SNCAIP: variants seen among roughly 807,000 people sequenced by gnomAD.
SNCAIP encodes the protein synphilin-1.
A neutral mutation model predicts 86.7 loss-of-function variants in SNCAIP; 43 were observed. That is an observed-to-expected ratio of 0.50 (90% CI 0.39 to 0.64). SNCAIP has a LOEUF of 0.64. Among genes scored for constraint, SNCAIP ranks in the 30% least tolerant of loss-of-function variants. The pLI is 0.00. For missense variants in SNCAIP, 981 were observed against 1,103.1 expected, an observed-to-expected ratio of 0.89 and a Z score of 1.57; for synonymous variants, 417 against 427.2, an observed-to-expected ratio of 0.98 and a Z score of 0.29.
At position 122,402,029 on chromosome 5, in the gene SNCAIP, A is replaced by G. The variant is rs531976711; in HGVS notation, c.58-1764A>G. ...ACAAACCTTAGTGAATTTTTCATTAACTGTATTTAAACACAATTCATCTTA... is the reference window on the plus strand; with the variant it reads ...ACAAACCTTAGTGAATTTTTCATTAGCTGTATTTAAACACAATTCATCTTA... On this transcript the variant is annotated intron_variant, in intron 2 of 10. Coordinates refer to ENST00000261368, the MANE Select transcript of SNCAIP (RefSeq NM_005460.4). Among the ~76,000 whole-genome samples the G allele has an allele frequency of 7.8e-4, 118 of 152,212 alleles. 1 individual carries two copies. Among genetic ancestry groups the G allele is most frequent in the South Asian group, 3.1e-3 (15 of 4,818 alleles).
At chr5:122,375,514 G>A (rs1765126804) in intron 1 of SNCAIP, among the ~76,000 whole-genome samples, 2 of 149,266 alleles carry the variant, frequency 1.3e-5, no homozygotes, top group Non-Finnish European at 3.0e-5. Flanking sequence ...AATAGACCTG[G>A]GATTTATTAT....
At chr5:122,355,046 T>G (rs550509157) in intron 1 of SNCAIP, among the ~76,000 whole-genome samples, 22 of 152,278 alleles carry the variant, frequency 1.4e-4, no homozygotes, top group African/African-American at 5.3e-4. Flanking sequence ...ATAAAAAACT[T>G]TGTGTGTGAG....
At chr5:122,448,628 ATATAT>A (rs1404960393) in intron 8 of SNCAIP, among the ~76,000 whole-genome samples, 3 of 138,280 alleles carry the variant, frequency 2.2e-5, no homozygotes, top group South Asian at 2.2e-4. Flanking sequence ...TATATATAAT[ATATAT>A]TATATGTTAT....
intron 7 of SNCAIP, chr5:122,443,606 T>G (rs1350229826): frequency 2.2e-6 from 1 of 456,928 alleles, no homozygotes; most frequent in South Asian, 1.5e-5. Context: ...GGAATGGGAG[T>G]GAGACATGCC....
At chr5:122,384,090 A>G (rs1245604690) in intron 1 of SNCAIP, among the ~76,000 whole-genome samples, 1 of 152,218 alleles carries the variant, frequency 6.6e-6, no homozygotes, top group African/African-American at 2.4e-5. Flanking sequence ...ACATCCAAAC[A>G]ATACAATTCA....
At chr5:122,439,641 C>T (rs907765143) in intron 6 of SNCAIP, among the ~76,000 whole-genome samples, 10 of 151,804 alleles carry the variant, frequency 6.6e-5, no homozygotes, top group East Asian at 1.9e-4. Flanking sequence ...CATGAGCAGT[C>T]GGAGCAAACA....
rs201297890 is a variant in SNCAIP, at chr5:122,420,585, AT to A, written c.131-2274del. On this transcript the variant is annotated intron_variant, in intron 3 of 10. Coordinates refer to ENST00000261368, the MANE Select transcript of SNCAIP (RefSeq NM_005460.4). The stretch of plus-strand genomic sequence containing the variant: ...CAGAAATGTCTATGAGTATATATAT[AT>A]TTTTTTTTCCATTTTATTTAAAGCC... Among the ~76,000 whole-genome samples the A allele has an allele frequency of 3.8e-3, 577 of 151,472 alleles. 13 individuals carry two copies. In the East Asian group the frequency reaches 0.038, roughly 10 times the overall value.
At chr5:122,359,764 A>T (rs940187420) in intron 1 of SNCAIP, among the ~76,000 whole-genome samples, 3 of 152,214 alleles carry the variant, frequency 2.0e-5, no homozygotes, top group Non-Finnish European at 4.4e-5. Flanking sequence ...TTAATAATAC[A>T]TTATGAGAGA....
At chr5:122,336,989 A>G (rs1756601579) in intron 1 of SNCAIP, 1 of 152,256 alleles carries the variant, frequency 6.6e-6, no homozygotes, top group Admixed American at 6.5e-5. Context: ...CTATTCCAGG[A>G]TGGTTTCTGC....
intron 1 of SNCAIP, among the ~76,000 whole-genome samples, chr5:122,387,234 C>T (rs1465043391): frequency 2.6e-5 from 4 of 151,736 alleles, no homozygotes; most frequent in African/African-American, 4.8e-5. Context: ...TCTCGGCTCA[C>T]TGCAACCTCC....
chr5:122,386,849 A>G (rs562347479), intron 1 of SNCAIP, among the ~76,000 whole-genome samples: 3 of 152,156 alleles, frequency 2.0e-5, no homozygotes, highest in Non-Finnish European at 4.4e-5. Context: ...AACACATAAC[A>G]TACCTGCCTA....
intron 2 of SNCAIP, chr5:122,401,056 G>A: frequency 6.5e-7 from 1 of 1,550,170 alleles, no homozygotes; most frequent in Non-Finnish European, 8.7e-7. Context: ...GATGCAATGG[G>A]CTTTGGTTCC....
At chr5:122,363,760 A>G (rs1025980499) in intron 1 of SNCAIP, among the ~76,000 whole-genome samples, 1 of 151,070 alleles carries the variant, frequency 6.6e-6, no homozygotes, top group African/African-American at 2.4e-5. Context: ...CATTTAATGC[A>G]TCTGAAAAAA....
intron 1 of SNCAIP, among the ~76,000 whole-genome samples, chr5:122,351,815 G>A (rs1315564170): frequency 2.6e-5 from 4 of 152,022 alleles, no homozygotes; most frequent in Non-Finnish European, 4.4e-5. Context: ...AACCAAATGA[G>A]TTTGTATACA....
intron 10 of SNCAIP, among the ~76,000 whole-genome samples, chr5:122,459,859 C>G (rs892118076): frequency 5.3e-5 from 8 of 152,156 alleles, no homozygotes; most frequent in African/African-American, 1.9e-4. Flanking sequence ...AACCCACCCC[C>G]TTCCCTAGCC....
At chr5:122,385,328 A>T (rs1253245461) in intron 1 of SNCAIP, among the ~76,000 whole-genome samples, 1 of 152,162 alleles carries the variant, frequency 6.6e-6, no homozygotes, top group East Asian at 1.9e-4. Context: ...TTCTTTGTTC[A>T]TGTGTACTTC....
intron 1 of SNCAIP, among the ~76,000 whole-genome samples, chr5:122,330,709 C>T (rs1261722680): frequency 6.6e-6 from 1 of 152,050 alleles, no homozygotes; most frequent in Admixed American, 6.6e-5. Context: ...CTTTTTGGCA[C>T]CAGGGACTGG....
At chr5:122,326,130 C>A (rs938334887) in intron 1 of SNCAIP, among the ~76,000 whole-genome samples, 2 of 152,164 alleles carry the variant, frequency 1.3e-5, no homozygotes, top group Non-Finnish European at 2.9e-5. Flanking sequence ...TGAGGCTAAG[C>A]ATTTTCACAT....
At chr5:122,347,728 G>A (rs1223974704) in intron 1 of SNCAIP, among the ~76,000 whole-genome samples, 2 of 151,786 alleles carry the variant, frequency 1.3e-5, no homozygotes, top group East Asian at 3.9e-4. Context: ...TTGGTATAAT[G>A]GACACCTTAT....
Sources: allele counts gnomAD v4.1 joint callset (sites outside exome capture counted in the v4.1 genomes callset), GRCh38; gene constraint gnomAD v4.1.1; transcripts MANE v1.5; gene names NCBI Gene and HGNC (gene_info 2026-07-23, HGNC 2026-07-21).